Variants in RFX7 observed in about 807,000 individuals in gnomAD.
RFX7 encodes DNA-binding protein RFX7.
A neutral mutation model predicts 111.8 loss-of-function variants in RFX7; 26 were observed. The observed-to-expected ratio is 0.23, with a 90% confidence interval of 0.17 to 0.32. The LOEUF (loss-of-function observed/expected upper bound fraction) is 0.32. Ranked by LOEUF, RFX7 falls within the 10% of genes least tolerant of loss-of-function variation. RFX7 has a pLI of 1.00. For synonymous variants in RFX7, 624 were observed against 624.4 expected (o/e 1.00, Z 0.01); for missense variants, 1,573 against 1,772.9 (o/e 0.89, Z 2.02).
At chr15:56,244,192 T>C (rs1210622831), upstream of RFX7, 1 of 152,178 alleles carries the variant, frequency 6.6e-6, no homozygotes, top group Admixed American at 6.5e-5. Flanking sequence ...TCAAAGCAAG[T>C]AAAGAGAAAT....
chr15:56,109,038 TCTCCCA>T (rs1567010333), intron 5 of RFX7, among the ~76,000 whole-genome samples: 2 of 133,402 alleles, frequency 1.5e-5, no homozygotes, highest in Non-Finnish European at 3.4e-5. Context: ...TCCCTCTCCC[TCTCCCA>T]CTCCCTCTGC....
intron 2 of RFX7, among the ~76,000 whole-genome samples, chr15:56,227,828 A>G (rs1357962082): frequency 6.6e-6 from 1 of 152,118 alleles, no homozygotes; most frequent in African/African-American, 2.4e-5. Flanking sequence ...TATAGAACTG[A>G]ATTGCTGACC....
Position 56,125,138 on chromosome 15 carries a change from G to A in RFX7, c.401+17640C>T, listed in dbSNP as rs1016061416. Among the ~76,000 whole-genome samples the A allele has an allele frequency of 3.3e-5, 5 of 152,196 alleles. No individual in the cohort carries two copies. The East Asian group carries it at 5.8e-4, about 18-fold the overall frequency. On this transcript the variant is annotated intron_variant, in intron 5 of 9. Coordinates refer to ENST00000559447, the MANE Select transcript of RFX7 (RefSeq NM_022841.7). ...CCTTTCCCCACTGAGTGTTCTTAGC[G>A]TCTTTGTCAAAAATCAGTTGGCTGT...
At chr15:56,233,887 T>C (rs752501138) in intron 2 of RFX7, among the ~76,000 whole-genome samples, 1 of 152,330 alleles carries the variant, frequency 6.6e-6, no homozygotes, top group South Asian at 2.1e-4. Flanking sequence ...CATGAGAGGA[T>C]TGTGATTAGT....
chr15:56,141,282 G>C (rs144861372), intron 5 of RFX7, among the ~76,000 whole-genome samples: 1 of 151,764 alleles, frequency 6.6e-6, no homozygotes, highest in Non-Finnish European at 1.5e-5. Flanking sequence ...CTGGGGGTGG[G>C]GGTGGGAGTG....
chr15:56,110,242 CA>C (rs2041900038), intron 5 of RFX7, among the ~76,000 whole-genome samples: 1 of 109,388 alleles, frequency 9.1e-6, no homozygotes, highest in African/African-American at 3.3e-5. Flanking sequence ...TCTGCCCGGC[CA>C]GCCGCCCCGT....
intron 2 of RFX7, among the ~76,000 whole-genome samples, chr15:56,241,173 C>T (rs185619227): frequency 7.8e-4 from 118 of 152,016 alleles, no homozygotes; most frequent in Non-Finnish European, 1.5e-3. Flanking sequence ...GTGTTTGCTG[C>T]CCATTATTTT....
intron 2 of RFX7, among the ~76,000 whole-genome samples, chr15:56,232,486 A>G (rs2043572648): frequency 6.6e-6 from 1 of 152,176 alleles, no homozygotes. Flanking sequence ...GACCTCTCAC[A>G]TGCCCTGGAG....
At chr15:56,239,537 G>T (rs1469158263) in intron 2 of RFX7, among the ~76,000 whole-genome samples, 1 of 152,110 alleles carries the variant, frequency 6.6e-6, no homozygotes, top group Non-Finnish European at 1.5e-5. Flanking sequence ...AGAGTGCTGG[G>T]ATTACAGGTG....
intron 3 of RFX7, among the ~76,000 whole-genome samples, chr15:56,163,885 C>T (rs1483013574): frequency 6.6e-6 from 1 of 152,094 alleles, no homozygotes; most frequent in Non-Finnish European, 1.5e-5. Context: ...ATTATGGGTC[C>T]CCAACCCTGT....
intron 2 of RFX7, among the ~76,000 whole-genome samples, chr15:56,198,790 A>C (rs1457714988): frequency 6.6e-6 from 1 of 152,172 alleles, no homozygotes; most frequent in Non-Finnish European, 1.5e-5. Flanking sequence ...CTAATTGTTA[A>C]AGTTGAATAA....
chr15:56,140,946 C>T (rs2042384114), intron 5 of RFX7, among the ~76,000 whole-genome samples: 3 of 152,144 alleles, frequency 2.0e-5, no homozygotes, highest in African/African-American at 7.2e-5. Context: ...TCTAAGGTAT[C>T]ATGAAGGGTG....
At chr15:56,173,858 T>C (rs1021755135) in intron 3 of RFX7, among the ~76,000 whole-genome samples, 1 of 152,004 alleles carries the variant, frequency 6.6e-6, no homozygotes, top group South Asian at 2.1e-4. Context: ...TTAAGACAGG[T>C]ATTTAAGACA....
chr15:56,131,805 A>ACTTTCCTTC (rs1250472011), intron 5 of RFX7, among the ~76,000 whole-genome samples: 1 of 152,112 alleles, frequency 6.6e-6, no homozygotes, highest in Admixed American at 6.5e-5. Context: ...AAATGTAATA[A>ACTTTCCTTC]CAAAGTAAAG....
chr15:56,128,509 A>C, intron 5 of RFX7, among the ~76,000 whole-genome samples: 1 of 152,338 alleles, frequency 6.6e-6, no homozygotes, highest in Non-Finnish European at 1.5e-5. Context: ...GATGCAGAAA[A>C]AACGTTTGAC....
At chr15:56,243,020 A>C in intron 2 of RFX7, 105 bp downstream of exon 2, 1 of 765,590 alleles carries the variant, frequency 1.3e-6, no homozygotes. Flanking sequence ...CATTCAATGA[A>C]TGCATCAGCC....
intron 5 of RFX7, among the ~76,000 whole-genome samples, chr15:56,137,325 C>T (rs1351478203): frequency 6.6e-6 from 1 of 152,178 alleles, no homozygotes; most frequent in African/African-American, 2.4e-5. Context: ...TATTCAACTT[C>T]TTCCTGGTTT....
At position 56,175,242 on chromosome 15, in the gene RFX7, C is replaced by A. The variant is rs573669330; in HGVS notation, c.195+4028G>T. On this transcript the variant is annotated intron_variant, in intron 3 of 9. Transcript: ENST00000559447. The stretch of plus-strand genomic sequence containing the variant: ...TAATAAAATGTGTACAAAACCTATA[C>A]ACAGAAAATAACAAAACACGCTGAA... Among the ~76,000 whole-genome samples, 7 of 152,112 alleles carry A rather than the reference C, an allele frequency of 4.6e-5. No individual in the cohort carries two copies. The South Asian group carries it at 1.5e-3, about 32-fold the overall frequency.
intron 2 of RFX7, among the ~76,000 whole-genome samples, chr15:56,223,340 C>A (rs1467471450): frequency 2.6e-5 from 4 of 152,196 alleles, no homozygotes; most frequent in Non-Finnish European, 4.4e-5. Context: ...ACTCCAATCA[C>A]TGTTTCCTTT....
Sources: allele counts gnomAD v4.1 joint callset (sites outside exome capture counted in the v4.1 genomes callset), GRCh38; gene constraint gnomAD v4.1.1; transcripts MANE v1.5; gene names NCBI Gene and HGNC (gene_info 2026-07-23, HGNC 2026-07-21).